Variants in MMS22L observed in about 807,000 individuals in gnomAD.
The protein encoded by MMS22L is protein MMS22-like.
MMS22L carries 74 observed loss-of-function variants against 159.1 expected under a neutral mutation model. That is an observed-to-expected ratio of 0.47 (90% confidence interval 0.39 to 0.56). MMS22L has a LOEUF of 0.56. Ranked by LOEUF, MMS22L falls within the 20% of genes least tolerant of loss-of-function variation. The pLI is 0.00. For missense variants in MMS22L, 1,351 were observed against 1,422.1 expected (o/e 0.95, Z 0.80); for synonymous variants, 517 against 506.9 (o/e 1.02, Z -0.27).
chr6:97,154,280 C>A (rs1801615733), intron 22 of MMS22L, among the ~76,000 whole-genome samples: 1 of 152,104 alleles, frequency 6.6e-6, no homozygotes, highest in South Asian at 2.1e-4. Flanking sequence ...AATGCCTATT[C>A]AGATTCATTG....
At chr6:97,168,453 T>C (rs1211581084) in intron 19 of MMS22L, among the ~76,000 whole-genome samples, 5 of 152,136 alleles carry the variant, frequency 3.3e-5, no homozygotes, top group Non-Finnish European at 1.5e-5. Flanking sequence ...AAGGAAAACA[T>C]ACATTTTCCG....
chr6:97,165,744 T>C (rs1431398974), intron 20 of MMS22L, among the ~76,000 whole-genome samples: 4 of 152,124 alleles, frequency 2.6e-5, no homozygotes, highest in Admixed American at 2.6e-4. Flanking sequence ...CCTGTAATCA[T>C]CAGAACACTT....
At chr6:97,163,587 T>A (rs1247490330) in intron 21 of MMS22L, among the ~76,000 whole-genome samples, 1 of 152,122 alleles carries the variant, frequency 6.6e-6, no homozygotes, top group Non-Finnish European at 1.5e-5. Context: ...GCATCTGTCA[T>A]TTAGTTTGTA....
intron 6 of MMS22L, 35 bp from the exon 7 acceptor site, chr6:97,270,027 C>A: frequency 6.6e-7 from 1 of 1,522,228 alleles, no homozygotes; most frequent in African/African-American, 1.4e-5. Flanking sequence ...ATTGAGAATT[C>A]ATTAATATTT....
chr6:97,182,459 T>C (rs545913992), intron 15 of MMS22L, among the ~76,000 whole-genome samples: 2 of 152,294 alleles, frequency 1.3e-5, no homozygotes, highest in East Asian at 3.9e-4. Flanking sequence ...CAGTTCCTTC[T>C]CACCTTAGAC....
Position 97,263,448 on chromosome 6 carries a change from C to A in MMS22L, c.829G>T (p.Val277Phe). The stretch of plus-strand genomic sequence containing the variant: ...CTCATTAATGATTCAGAAGACCTAA[C>A]CTATAGAAAATAACCAAAATGTGTT... ...ISLSLNRYDKVRSSESLMSDQ... is the reference protein window; with the variant it reads ...ISLSLNRYDKFRSSESLMSDQ... The change falls in exon 9 of 25, where the codon GTT becomes TTT. Residue 277 changes from valine to phenylalanine, a missense_variant and splice_region_variant. Physicochemically the swap from Val to Phe is conservative, Grantham distance 50 (BLOSUM62 -1). Coordinates refer to ENST00000683635, the MANE Select transcript of MMS22L (RefSeq NM_001350599.2). 2 of 1,511,022 alleles carry A rather than the reference C, an allele frequency of 1.3e-6. No homozygotes were observed. Among genetic ancestry groups the A allele is most frequent in the Admixed American group, 2.5e-5 (1 of 40,384 alleles). 93.6% of individuals were successfully genotyped at this position (1,511,022 alleles called of 1,614,324 possible).
chr6:97,258,307 A>T (rs978910719), intron 9 of MMS22L, among the ~76,000 whole-genome samples: 1 of 152,142 alleles, frequency 6.6e-6, no homozygotes, highest in Non-Finnish European at 1.5e-5. Flanking sequence ...GCACTTCCTT[A>T]GTTTCTGGTA....
Position 97,144,983 on chromosome 6 carries a change from C to T in MMS22L, c.*1823G>A, listed in dbSNP as rs1800841730. ...TTTTCATACTCTAAGGAGCAAGATTCTCAAAGGTATCTTTATCAATCTCCT... is the reference window on the plus strand; with the variant it reads ...TTTTCATACTCTAAGGAGCAAGATTTTCAAAGGTATCTTTATCAATCTCCT... On this transcript the variant is annotated 3_prime_UTR_variant, in exon 25 of 25. Transcript: ENST00000683635. 6.7e-6 allele frequency: 1 copy of T among 148,500 alleles called. No homozygotes were observed. The highest frequency in any genetic ancestry group is 1.5e-5 in the Non-Finnish European group (1 of 67,488). The allele number at this position is 148,500 out of a possible 1,614,324, so 9.2% of individuals were successfully genotyped here. A position where few individuals can be genotyped will look rare whatever the true frequency, so the allele number is the denominator to read the frequency against.
Position 97,187,285 on chromosome 6 carries a change from G to A in MMS22L, c.2040-595C>T, listed in dbSNP as rs117149807. On this transcript the variant is annotated intron_variant, in intron 14 of 24. Transcript: ENST00000683635. The stretch of plus-strand genomic sequence containing the variant: ...TTCATAAAATAATAAAACATAATTC[G>A]ATACTGCCTCAAATTTTGATTAATC... Among the ~76,000 whole-genome samples, 801 of 152,088 alleles carry A rather than the reference G, an allele frequency of 5.3e-3. 4 individuals are homozygous for A. Among genetic ancestry groups the A allele is most frequent in the Non-Finnish European group, 8.8e-3 (598 of 67,962 alleles).
chr6:97,272,571 G>A (rs866524896), intron 6 of MMS22L, 133 bp downstream of exon 6: 4 of 730,266 alleles, frequency 5.5e-6, no homozygotes, highest in Non-Finnish European at 8.8e-6. Context: ...AAGGAGGATG[G>A]GGGGCAAGAA....
At chr6:97,275,790 A>C (rs1816189341) in intron 4 of MMS22L, among the ~76,000 whole-genome samples, 1 of 152,198 alleles carries the variant, frequency 6.6e-6, no homozygotes, top group African/African-American at 2.4e-5. Flanking sequence ...GGATCACTTG[A>C]GCCCAGAAGT....
intron 14 of MMS22L, among the ~76,000 whole-genome samples, chr6:97,224,969 T>C (rs1810065708): frequency 1.3e-5 from 2 of 152,158 alleles, no homozygotes; most frequent in African/African-American, 2.4e-5. Flanking sequence ...TGTGGTATAG[T>C]TGGTTAAGAG....
At chr6:97,232,703 A>G (rs1325867158) in intron 12 of MMS22L, among the ~76,000 whole-genome samples, 2 of 152,166 alleles carry the variant, frequency 1.3e-5, no homozygotes, top group East Asian at 3.9e-4. Context: ...CAAGACTACA[A>G]TCAGTCATTT....
intron 14 of MMS22L, among the ~76,000 whole-genome samples, chr6:97,193,377 G>A (rs138861409): frequency 1.8e-3 from 275 of 152,266 alleles, no homozygotes; most frequent in African/African-American, 6.4e-3. Context: ...TTGCTTGCCT[G>A]TGTCCCAAAA....
rs780178798 is a variant in MMS22L at position 97,272,824 on chromosome 6, C to G, written c.486G>C (p.Leu162Phe). ...TCAACACTGAGGGAAGCTGAGCCTC[C>G]AAAGCCTCATAAGGATGGACAGGAA... ...SHVPVHPYEALEAQLPSVLID... is the reference protein window; with the variant it reads ...SHVPVHPYEAFEAQLPSVLID... The change falls in exon 6 of 25, where the codon TTG becomes TTC. Residue 162 changes from leucine (L) to phenylalanine (F), a missense_variant. Transcript: ENST00000683635. 6 of 1,613,866 alleles carry G rather than the reference C, an allele frequency of 3.7e-6. No individual in the cohort carries two copies. Among genetic ancestry groups the G allele is most frequent in the Non-Finnish European group, 4.2e-6 (5 of 1,179,954 alleles).
intron 14 of MMS22L, among the ~76,000 whole-genome samples, chr6:97,220,957 GACACACACACAC>G (rs71012586): frequency 0.52 from 74,622 of 143,438 alleles, 20,470 homozygotes; most frequent in Middle Eastern, 0.68. Context: ...TAAGACCCCT[GACACACACACAC>G]ACACACACAC....
chr6:97,219,091 G>C (rs1809343699), intron 14 of MMS22L, among the ~76,000 whole-genome samples: 1 of 152,072 alleles, frequency 6.6e-6, no homozygotes. Context: ...TCTGTCCATT[G>C]ACACATGGAG....
At chr6:97,151,547 T>C in intron 23 of MMS22L, 1 of 455,072 alleles carries the variant, frequency 2.2e-6, no homozygotes, top group Non-Finnish European at 4.0e-6. Context: ...CCTCACTAAA[T>C]TCACAGGTAA....
intron 16 of MMS22L, among the ~76,000 whole-genome samples, chr6:97,179,975 C>T (rs181934382): frequency 1.0e-3 from 152 of 152,300 alleles, no homozygotes; most frequent in Non-Finnish European, 7.9e-4. Context: ...TAGTCATGAA[C>T]GTATGCTCTC....
Sources: gnomAD v4.1 joint callset for allele counts (sites outside exome capture counted in the v4.1 genomes callset) on GRCh38, gnomAD v4.1.1 for gene constraint, MANE v1.5 for transcripts, NCBI Gene and HGNC (gene_info 2026-07-23, HGNC 2026-07-21) for gene names.